LDLRAD3: variants seen among roughly 807,000 people sequenced by gnomAD.
LDLRAD3 encodes the protein low density lipoprotein receptor class A domain containing 3.
Under a neutral mutation model 29.4 loss-of-function variants are expected in LDLRAD3, and 20 were observed. That is an observed-to-expected ratio of 0.68 (90% CI 0.48 to 0.99). The LOEUF is 0.99. Ranked by LOEUF, LDLRAD3 falls within the 50% of genes least tolerant of loss-of-function variation. The pLI is 0.00. For missense variants in LDLRAD3, 420 were observed against 454.3 expected (o/e 0.92, Z 0.69); for synonymous variants, 157 against 192.7 (o/e 0.81, Z 1.53).
intron 4 of LDLRAD3, among the ~76,000 whole-genome samples, chr11:36,121,341 G>A (rs943256531): frequency 1.3e-5 from 2 of 152,122 alleles, no homozygotes; most frequent in Admixed American, 6.5e-5. Flanking sequence ...GAAAAGGGGA[G>A]GAGGGAGAGA....
chr11:36,133,540 T>C (rs2133308244), intron 4 of LDLRAD3, among the ~76,000 whole-genome samples: 1 of 134,334 alleles, frequency 7.4e-6, no homozygotes, highest in East Asian at 2.4e-4. Flanking sequence ...CGTTTTCTTT[T>C]TCTTTTCTTT....
intron 1 of LDLRAD3, among the ~76,000 whole-genome samples, chr11:36,022,758 C>T (rs545341701): frequency 6.6e-6 from 1 of 152,266 alleles, no homozygotes; most frequent in South Asian, 2.1e-4. Flanking sequence ...CATAAGCTAC[C>T]TTTTCATAGG....
At chr11:36,097,692 A>G (rs1853381865) in intron 3 of LDLRAD3, among the ~76,000 whole-genome samples, 1 of 152,240 alleles carries the variant, frequency 6.6e-6, no homozygotes. Flanking sequence ...AAAGGAAACC[A>G]GAGTAGGGTG....
chr11:36,031,078 AT>A (rs111708085), intron 1 of LDLRAD3, among the ~76,000 whole-genome samples: 2,192 of 147,062 alleles, frequency 0.015, 31 homozygotes, highest in East Asian at 0.074. Flanking sequence ...GGGACTTGTA[AT>A]TTTTTTTTTT....
chr11:36,109,250 G>A (rs1853574155), intron 4 of LDLRAD3, among the ~76,000 whole-genome samples: 1 of 152,140 alleles, frequency 6.6e-6, no homozygotes, highest in African/African-American at 2.4e-5. Context: ...ACAGCCTGCA[G>A]GGAAGCTGGA....
At chr11:36,067,220 C>A (rs918569740) in intron 2 of LDLRAD3, among the ~76,000 whole-genome samples, 2 of 152,128 alleles carry the variant, frequency 1.3e-5, no homozygotes, top group Admixed American at 1.3e-4. Flanking sequence ...TCTGGCCATT[C>A]CCCACGTATT....
At chr11:35,967,878 A>G (rs369526253) in intron 1 of LDLRAD3, 141 of 397,844 alleles carry the variant, frequency 3.5e-4, no homozygotes, top group African/African-American at 2.8e-3. Context: ...TGTAAGGGGT[A>G]GTAATGTACC....
At chr11:36,073,495 C>G (rs560933701) in intron 2 of LDLRAD3, among the ~76,000 whole-genome samples, 7 of 152,366 alleles carry the variant, frequency 4.6e-5, no homozygotes, top group Non-Finnish European at 8.8e-5. Context: ...GAGAGAGGGA[C>G]AGTCGGGGCC....
At chr11:36,137,843 A>T (rs1179416005) in intron 4 of LDLRAD3, among the ~76,000 whole-genome samples, 1 of 152,236 alleles carries the variant, frequency 6.6e-6, no homozygotes, top group East Asian at 1.9e-4. Flanking sequence ...GAGCAGAGGA[A>T]TGGGTAACCA....
intron 2 of LDLRAD3, among the ~76,000 whole-genome samples, chr11:36,065,663 G>A (rs1184392537): frequency 6.6e-6 from 1 of 152,218 alleles, no homozygotes; most frequent in Non-Finnish European, 1.5e-5. Flanking sequence ...TGTGGGAACA[G>A]CCTGAAGGAG....
intron 2 of LDLRAD3, among the ~76,000 whole-genome samples, chr11:36,070,330 C>A (rs959210172): frequency 6.6e-6 from 1 of 152,112 alleles, no homozygotes; most frequent in Non-Finnish European, 1.5e-5. Context: ...TTTGCTTGAA[C>A]AAAAACCGTT....
chr11:36,191,592 A>C (rs1854949722), intron 4 of LDLRAD3, among the ~76,000 whole-genome samples: 1 of 104,378 alleles, frequency 9.6e-6, no homozygotes, highest in Non-Finnish European at 1.9e-5. Flanking sequence ...ATATATATAT[A>C]TATATATACA....
intron 1 of LDLRAD3, among the ~76,000 whole-genome samples, chr11:36,034,553 A>C (rs937469782): frequency 6.6e-6 from 1 of 152,242 alleles, no homozygotes; most frequent in Non-Finnish European, 1.5e-5. Context: ...TGAAACGTGC[A>C]TGTGCGTTAT....
intron 1 of LDLRAD3, among the ~76,000 whole-genome samples, chr11:35,988,214 T>G (rs1293718859): frequency 3.9e-5 from 6 of 152,130 alleles, no homozygotes; most frequent in Non-Finnish European, 8.8e-5. Context: ...TGCGCCACTA[T>G]GCCTGCTAAT....
chr11:36,094,737 A>G (rs1853334021), intron 3 of LDLRAD3, among the ~76,000 whole-genome samples: 1 of 152,168 alleles, frequency 6.6e-6, no homozygotes, highest in Non-Finnish European at 1.5e-5. Flanking sequence ...GGGTTTCACC[A>G]TGTTGGCCAG....
At chr11:35,947,379 G>T (rs943042477) in intron 1 of LDLRAD3, among the ~76,000 whole-genome samples, 17 of 151,992 alleles carry the variant, frequency 1.1e-4, no homozygotes, top group African/African-American at 3.6e-4. Context: ...GTGTGGTGAC[G>T]TGCGCCTGTA....
chr11:36,190,571 A>G (rs1325329453), intron 4 of LDLRAD3, among the ~76,000 whole-genome samples: 1 of 152,200 alleles, frequency 6.6e-6, no homozygotes, highest in African/African-American at 2.4e-5. Context: ...GAAAAACACA[A>G]GGAAATTGAA....
chr11:36,026,026 C>T lies in LDLRAD3; in HGVS notation c.47-10077C>T, dbSNP rs113361639. 4.4e-3 allele frequency among the ~76,000 whole-genome samples: 663 copies of T among 151,894 alleles called. 3 individuals carry two copies. Among genetic ancestry groups the T allele is most frequent in the Non-Finnish European group, 7.9e-3 (536 of 67,944 alleles). ...AACTCCCGACCTTAGATGATCTGCC[C>T]GCCTTGGCCTCCCAAAGTGCTGGGA... On this transcript the variant is annotated intron_variant, in intron 1 of 5. Coordinates refer to ENST00000315571, the MANE Select transcript of LDLRAD3 (RefSeq NM_174902.4).
intron 4 of LDLRAD3, among the ~76,000 whole-genome samples, chr11:36,224,817 C>T (rs1282842021): frequency 2.0e-5 from 3 of 152,118 alleles, no homozygotes; most frequent in Non-Finnish European, 4.4e-5. Context: ...CAATGTGTTT[C>T]GCAGGTTTGT....
Sources: gnomAD v4.1 joint callset for allele counts (sites outside exome capture counted in the v4.1 genomes callset) on GRCh38, gnomAD v4.1.1 for gene constraint, MANE v1.5 for transcripts, NCBI Gene and HGNC (gene_info 2026-07-23, HGNC 2026-07-21) for gene names.